The following HDAC9 variants were observed in gnomAD, a reference collection of about 807,000 sequenced individuals.
HDAC9 encodes MEF-2 interacting transcription repressor (MITR) protein.
HDAC9 carries 41 observed loss-of-function variants against 139.4 expected under a neutral mutation model. The ratio of observed to expected loss-of-function variants is 0.29; its 90% CI spans 0.23 to 0.38. The LOEUF (loss-of-function observed/expected upper bound fraction) is 0.38, where lower values mean the gene tolerates loss of function less well. Ranked by LOEUF, HDAC9 falls within the 10% of genes least tolerant of loss-of-function variation. The pLI is 1.00. For missense variants in HDAC9, 1,147 were observed against 1,297.0 expected, an observed-to-expected ratio of 0.88 and a Z score of 1.78; for synonymous variants, 517 against 476.2, an observed-to-expected ratio of 1.09 and a Z score of -1.12.
intron 1 of HDAC9, among the ~76,000 whole-genome samples, chr7:18,333,295 A>T (rs1423754775): frequency 1.3e-5 from 2 of 151,422 alleles, no homozygotes; most frequent in Non-Finnish European, 3.0e-5. Context: ...CAAAGAATAC[A>T]AAATAGCACA....
chr7:18,744,860 A>C (rs373558457), intron 13 of HDAC9, among the ~76,000 whole-genome samples: 1 of 152,042 alleles, frequency 6.6e-6, no homozygotes, highest in Non-Finnish European at 1.5e-5. Flanking sequence ...TATGTAAAAA[A>C]ATATATATAT....
At chr7:18,757,416 T>C (rs931415176) in intron 14 of HDAC9, among the ~76,000 whole-genome samples, 3 of 152,184 alleles carry the variant, frequency 2.0e-5, no homozygotes, top group African/African-American at 4.8e-5. Context: ...CAAATTTAAG[T>C]TGGACATTTT....
intron 21 of HDAC9, among the ~76,000 whole-genome samples, chr7:18,837,627 A>G (rs1247310231): frequency 1.3e-5 from 2 of 152,082 alleles, no homozygotes; most frequent in African/African-American, 4.8e-5. Flanking sequence ...AAATTATCGT[A>G]ATTCCATTTG....
intron 2 of HDAC9, among the ~76,000 whole-genome samples, chr7:18,190,551 A>G (rs1041393328): frequency 6.6e-6 from 1 of 152,204 alleles, no homozygotes; most frequent in African/African-American, 2.4e-5. Context: ...AGACCACCCA[A>G]TATTGCAAGA....
At chr7:18,146,361 C>A (rs1190043290) in intron 1 of HDAC9, among the ~76,000 whole-genome samples, 1 of 152,074 alleles carries the variant, frequency 6.6e-6, no homozygotes, top group Non-Finnish European at 1.5e-5. Flanking sequence ...TCTTCATTTT[C>A]AATACTCACA....
chr7:18,415,918 A>AT (rs763944305), intron 1 of HDAC9, among the ~76,000 whole-genome samples: 13 of 152,176 alleles, frequency 8.5e-5, no homozygotes, highest in Admixed American at 2.0e-4. Context: ...TCATCTATGC[A>AT]TTTTTTTGTG....
At chr7:18,139,888 A>G (rs2128108829) in intron 1 of HDAC9, among the ~76,000 whole-genome samples, 1 of 152,336 alleles carries the variant, frequency 6.6e-6, no homozygotes, top group South Asian at 2.1e-4. Context: ...ATTATCTCCT[A>G]GAGCCTCTGG....
chr7:18,704,995 A>G (rs1783772806), intron 12 of HDAC9, among the ~76,000 whole-genome samples: 1 of 152,206 alleles, frequency 6.6e-6, no homozygotes, highest in Non-Finnish European at 1.5e-5. Context: ...ACGATTTTTA[A>G]CTTTCTAGTA....
intron 22 of HDAC9, among the ~76,000 whole-genome samples, chr7:18,914,102 G>C (rs754791501): frequency 1.3e-5 from 2 of 151,762 alleles, no homozygotes; most frequent in African/African-American, 4.8e-5. Flanking sequence ...TCAATTAAGA[G>C]GCCATCGAGA....
At chr7:18,663,057 G>A (rs1793704594) in intron 11 of HDAC9, among the ~76,000 whole-genome samples, 1 of 152,078 alleles carries the variant, frequency 6.6e-6, no homozygotes, top group African/African-American at 2.4e-5. Context: ...AAGGAGGGAA[G>A]TGAGCAAATG....
intron 24 of HDAC9, 87 bp downstream of exon 24, chr7:18,954,317 T>G: frequency 1.0e-6 from 1 of 971,156 alleles, no homozygotes. Context: ...GAAACATTTA[T>G]TTAGAGTTAT....
chr7:18,915,122 A>G (rs905980224), intron 22 of HDAC9, among the ~76,000 whole-genome samples: 1 of 152,088 alleles, frequency 6.6e-6, no homozygotes, highest in Non-Finnish European at 1.5e-5. Flanking sequence ...TGTGTAGGGG[A>G]TGTGTGTTTT....
At chr7:18,605,957 G>C (rs1271116402) in intron 6 of HDAC9, among the ~76,000 whole-genome samples, 1 of 152,092 alleles carries the variant, frequency 6.6e-6, no homozygotes, top group African/African-American at 2.4e-5. Context: ...TGGGATTACA[G>C]GTGTGAGCCA....
intron 2 of HDAC9, among the ~76,000 whole-genome samples, chr7:18,511,710 C>G (rs1478058855): frequency 6.6e-6 from 1 of 152,218 alleles, no homozygotes; most frequent in Non-Finnish European, 1.5e-5. Context: ...CTTGGGCACT[C>G]AACCAACAGG....
chr7:18,125,124 G>A (rs1270341722), intron 1 of HDAC9, among the ~76,000 whole-genome samples: 1 of 152,056 alleles, frequency 6.6e-6, no homozygotes, highest in Non-Finnish European at 1.5e-5. Flanking sequence ...AAGGTGTGTT[G>A]GAGGAAGTTG....
intron 1 of HDAC9, among the ~76,000 whole-genome samples, chr7:18,156,253 A>G (rs182124773): frequency 1.0e-3 from 153 of 152,298 alleles, no homozygotes; most frequent in Middle Eastern, 3.4e-3. Context: ...AATCCTTTCA[A>G]TGAGCTAAGA....
intron 21 of HDAC9, among the ~76,000 whole-genome samples, chr7:18,837,797 G>T (rs542773311): frequency 6.6e-6 from 1 of 151,980 alleles, no homozygotes; most frequent in Non-Finnish European, 1.5e-5. Context: ...TAATGTAAAC[G>T]CAGATATTAA....
At chr7:18,924,137 G>GAAA (rs771219982) in intron 22 of HDAC9, among the ~76,000 whole-genome samples, 1 of 138,266 alleles carries the variant, frequency 7.2e-6, no homozygotes, top group African/African-American at 2.6e-5. Context: ...AAAAAGGAAG[G>GAAA]AAAAAAAAAA....
intron 17 of HDAC9, 70 bp downstream of exon 17, chr7:18,793,522 G>C: frequency 2.0e-6 from 2 of 988,952 alleles, no homozygotes; most frequent in East Asian, 2.6e-5. Context: ...TGTTATGTGG[G>C]AATTGCGGGG....
Sources: gnomAD v4.1 joint callset for allele counts (sites outside exome capture counted in the v4.1 genomes callset) on GRCh38, gnomAD v4.1.1 for gene constraint, MANE v1.5 for transcripts, NCBI Gene and HGNC (gene_info 2026-07-23, HGNC 2026-07-21) for gene names.